RAB15: variants seen among roughly 807,000 people sequenced by gnomAD.
RAB15 encodes RAB15, member RAS oncogene family.
In RAB15, 13 loss-of-function variants were observed where a neutral mutation model predicts 31.8. The observed-to-expected ratio is 0.41, with a 90% confidence interval of 0.27 to 0.65. The LOEUF (loss-of-function observed/expected upper bound fraction) is 0.65, where lower values mean the gene tolerates loss of function less well. RAB15 is among the 30% of genes least tolerant of loss of function. RAB15 has a pLI of 0.32. For synonymous variants in RAB15, 100 were observed against 105.6 expected (o/e 0.95, Z 0.33); for missense variants, 220 against 277.3 (o/e 0.79, Z 1.47).
In RAB15 at chr14:64,948,457, C is replaced by T. The variant is rs1886039580; in HGVS notation, c.536G>A (p.Gly179Asp). The T allele has an allele frequency of 6.2e-7, 1 of 1,613,182 alleles. No homozygotes were observed. Among genetic ancestry groups the T allele is most frequent in the South Asian group, 1.1e-5 (1 of 90,958 alleles). ...VLQAHRKELE[G>D]LRMRASNELA... is the part of the protein sequence containing the mutation. ...CTCATTGCTGGCACGCATCCGGAGG[C>T]CTTCCAGCTCCTTCCTATGGGCCTG... Residue 179 changes from glycine to aspartate, a missense_variant, in exon 7 of 7, where the codon GGC (glycine) becomes GAC (aspartate). Gly to Asp is a moderately conservative substitution (Grantham distance 94). Transcript: ENST00000533601. The surrounding 1 kb of genome is among the most constrained non-coding windows in gnomAD (Gnocchi z 7.0).
intron 1 of RAB15, among the ~76,000 whole-genome samples, chr14:64,966,940 C>G (rs529441191): frequency 2.6e-5 from 4 of 152,150 alleles, no homozygotes; most frequent in African/African-American, 9.7e-5. Flanking sequence ...GTCTAGAAAC[C>G]TGCAAACCCC....
chr14:64,951,724 A>G lies in RAB15; in HGVS notation c.186-61T>C. 1 of 1,421,210 alleles carries G rather than the reference A, an allele frequency of 7.0e-7. No individual in the cohort carries two copies. The highest frequency in any genetic ancestry group is 1.0e-6 in the Non-Finnish European group (1 of 1,003,798). 88.0% of individuals were successfully genotyped at this position (1,421,210 alleles called of 1,614,324 possible). A position where few individuals can be genotyped will look rare whatever the true frequency, so the allele number is the denominator to read the frequency against. ...ACCATGGGAACAGACGGGGAGGGGAAGAGCAGAGCTGTCCCCTTGTAGGAA... is the reference window on the plus strand; with the variant it reads ...ACCATGGGAACAGACGGGGAGGGGAGGAGCAGAGCTGTCCCCTTGTAGGAA... On this transcript the variant is annotated intron_variant, in intron 2 of 6. Coordinates refer to ENST00000533601, the MANE Select transcript of RAB15 (RefSeq NM_001308154.2). This position sits in a 1 kb window ranked among gnomAD's most constrained non-coding sequence, Gnocchi z 7.2.
At position 64,968,543 on chromosome 14, in the gene RAB15, C is replaced by T. The variant is rs1022373568; in HGVS notation, c.124+3410G>A. On this transcript the variant is annotated intron_variant, in intron 1 of 6. Transcript: ENST00000533601. The surrounding 1 kb of genome is among the most constrained non-coding windows in gnomAD (Gnocchi z 4.9). ...ACTGTGAGACCTTCATTAAGAGTAACTGCAATGATCATAATCCATCCTTTA... is the reference window on the plus strand; with the variant it reads ...ACTGTGAGACCTTCATTAAGAGTAATTGCAATGATCATAATCCATCCTTTA... Among the ~76,000 whole-genome samples, 1 of 152,212 alleles carries T rather than the reference C, an allele frequency of 6.6e-6. No individual in the cohort carries two copies. Among genetic ancestry groups the T allele is most frequent in the Non-Finnish European group, 1.5e-5 (1 of 68,048 alleles).
chr14:64,954,526 AG>A lies in RAB15; in HGVS notation c.125-1956del. On this transcript the variant is annotated intron_variant, in intron 1 of 6. Transcript: ENST00000533601. This position sits in a 1 kb window ranked among gnomAD's most constrained non-coding sequence, Gnocchi z 4.3. ...ATCACAAGGGGGACAGGAAGAGAGAAGGTTTTATTTCCTTTATCCCACAAAC... is the reference window on the plus strand; with the variant it reads ...ATCACAAGGGGGACAGGAAGAGAGAAGTTTTATTTCCTTTATCCCACAAAC... The A allele has an allele frequency of 1.0e-6, 1 of 985,424 alleles. No individual in the cohort carries two copies. Among genetic ancestry groups the A allele is most frequent in the Non-Finnish European group, 1.2e-6 (1 of 829,908 alleles). 61.0% of individuals were successfully genotyped at this position (985,424 alleles called of 1,614,324 possible). A position where few individuals can be genotyped will look rare whatever the true frequency, so the allele number is the denominator to read the frequency against.
chr14:64,956,935 A>T (rs999378772), intron 1 of RAB15, among the ~76,000 whole-genome samples: 4 of 143,484 alleles, frequency 2.8e-5, no homozygotes, highest in Non-Finnish European at 4.6e-5. Context: ...CCTAGCTTCA[A>T]TTTTTTTTTT....
chr14:64,968,215 T>C lies in RAB15; in HGVS notation c.124+3738A>G, dbSNP rs1245390240. Among the ~76,000 whole-genome samples, 2 of 152,178 alleles carry C rather than the reference T, an allele frequency of 1.3e-5. No individual in the cohort carries two copies. Among genetic ancestry groups the C allele is most frequent in the Non-Finnish European group, 2.9e-5 (2 of 68,024 alleles). On this transcript the variant is annotated intron_variant, in intron 1 of 6. Transcript: ENST00000533601. The surrounding 1 kb of genome is among the most constrained non-coding windows in gnomAD (Gnocchi z 4.9). ...GAGAAACAGAAGAATCTTCTCACTT[T>C]CCTGAAGAATCCCTTCTGTTGCATC...
chr14:64,961,633 C>T (rs1886863886), intron 1 of RAB15, among the ~76,000 whole-genome samples: 1 of 152,138 alleles, frequency 6.6e-6, no homozygotes, highest in African/African-American at 2.4e-5. Context: ...CAAGCCCAGG[C>T]ATGGTGGCTC....
At chr14:64,956,043 G>A (rs1272761259) in intron 1 of RAB15, among the ~76,000 whole-genome samples, 6 of 152,200 alleles carry the variant, frequency 3.9e-5, no homozygotes, top group African/African-American at 7.2e-5. Flanking sequence ...TATCGCCTGA[G>A]TAACAAGCTG....
At chr14:64,949,004 A>T (rs888257478) in intron 5 of RAB15, among the ~76,000 whole-genome samples, 2 of 152,228 alleles carry the variant, frequency 1.3e-5, no homozygotes, top group Non-Finnish European at 1.5e-5. Context: ...GACACCATCC[A>T]TTGTGGCAGT....
intron 5 of RAB15, among the ~76,000 whole-genome samples, chr14:64,949,173 C>G (rs572539901): frequency 6.6e-6 from 1 of 152,198 alleles, no homozygotes; most frequent in African/African-American, 2.4e-5. Context: ...GTGTGTCTCC[C>G]ATCCATGGTT....
chr14:64,957,859 C>G (rs1323893614), intron 1 of RAB15: 1 of 152,202 alleles, frequency 6.6e-6, no homozygotes, highest in Non-Finnish European at 1.5e-5. Context: ...GATGCCTTTT[C>G]CCACACACCC....
At position 64,951,808 on chromosome 14, in the gene RAB15, A is replaced by G; in HGVS notation, c.186-145T>C. ...TGCTTGGATCCCCACAGGGATCTGC[A>G]GTCAGAGGCCTGGTCATCTGTGCTG... On this transcript the variant is annotated intron_variant, in intron 2 of 6. Coordinates refer to ENST00000533601, the MANE Select transcript of RAB15 (RefSeq NM_001308154.2). This position sits in a 1 kb window ranked among gnomAD's most constrained non-coding sequence, Gnocchi z 7.2. 1 of 717,874 alleles carries G rather than the reference A, an allele frequency of 1.4e-6. No individual in the cohort carries two copies. The highest frequency in any genetic ancestry group is 2.5e-6 in the Non-Finnish European group (1 of 406,280). The allele number at this position is 717,874 out of a possible 1,614,324, so 44.5% of individuals were successfully genotyped here.
At position 64,955,641 on chromosome 14, in the gene RAB15, T is replaced by C. The variant is rs1409291464; in HGVS notation, c.125-3070A>G. Among the ~76,000 whole-genome samples the C allele has an allele frequency of 6.6e-6, 1 of 152,198 alleles. No homozygotes were observed. The highest frequency in any genetic ancestry group is 1.5e-5 in the Non-Finnish European group (1 of 68,046). The stretch of plus-strand genomic sequence containing the variant: ...CCTGTGCTCTCAGCAGGATACCTTC[T>C]CCACTGTTTTATGGCCCAGATGAAT... On this transcript the variant is annotated intron_variant, in intron 1 of 6. Coordinates refer to ENST00000533601, the MANE Select transcript of RAB15 (RefSeq NM_001308154.2). The surrounding 1 kb of genome is among the most constrained non-coding windows in gnomAD (Gnocchi z 4.4).
At position 64,968,298 on chromosome 14, in the gene RAB15, A is replaced by G. The variant is rs1013153577; in HGVS notation, c.124+3655T>C. ...AATCCCACCTCTGTTATCTCTGCTC[A>G]TGTTACTCCATCTGCTCCCTTCTGC... On this transcript the variant is annotated intron_variant, in intron 1 of 6. Coordinates refer to ENST00000533601, the MANE Select transcript of RAB15 (RefSeq NM_001308154.2). This position sits in a 1 kb window ranked among gnomAD's most constrained non-coding sequence, Gnocchi z 4.9. Among the ~76,000 whole-genome samples, 3 of 152,130 alleles carry G rather than the reference A, an allele frequency of 2.0e-5. No homozygotes were observed. The highest frequency in any genetic ancestry group is 2.9e-5 in the Non-Finnish European group (2 of 68,028).
rs1433430677 is a variant in RAB15 at position 64,968,477 on chromosome 14, C to T, written c.124+3476G>A. ...CCATCCATCGCCATTCTCCGGCTGC[C>T]TCATGGTACATCTTGCATCATAATT... On this transcript the variant is annotated intron_variant, in intron 1 of 6. Transcript: ENST00000533601. This position sits in a 1 kb window ranked among gnomAD's most constrained non-coding sequence, Gnocchi z 4.9. Among the ~76,000 whole-genome samples the T allele has an allele frequency of 6.6e-6, 1 of 152,188 alleles. No individual in the cohort carries two copies. Among genetic ancestry groups the T allele is most frequent in the Admixed American group, 6.5e-5 (1 of 15,272 alleles).
At position 64,952,197 on chromosome 14, in the gene RAB15, C is replaced by T. The variant is rs1411203012; in HGVS notation, c.185+314G>A. ...AAATGATGGGGGGTGTAGCCTCCTT[C>T]CTTCCAATCTTAACATAGTGTGGCA... On this transcript the variant is annotated intron_variant, in intron 2 of 6. Coordinates refer to ENST00000533601, the MANE Select transcript of RAB15 (RefSeq NM_001308154.2). This position sits in a 1 kb window ranked among gnomAD's most constrained non-coding sequence, Gnocchi z 4.2. Among the ~76,000 whole-genome samples, 1 of 152,194 alleles carries T rather than the reference C, an allele frequency of 6.6e-6. No individual in the cohort carries two copies. Among genetic ancestry groups the T allele is most frequent in the Admixed American group, 6.5e-5 (1 of 15,282 alleles).
rs1185070464 is a variant in RAB15 at position 64,955,919 on chromosome 14, G to A, written c.125-3348C>T. On this transcript the variant is annotated intron_variant, in intron 1 of 6. Coordinates refer to ENST00000533601, the MANE Select transcript of RAB15 (RefSeq NM_001308154.2). The surrounding 1 kb of genome is among the most constrained non-coding windows in gnomAD (Gnocchi z 4.4). ...GGTCATATTTCTCAAACTTCCAGGT[G>A]CATGAGAATCACGCGGGGATTGAGT... 6.6e-6 allele frequency among the ~76,000 whole-genome samples: 1 copy of A among 152,206 alleles called. No homozygotes were observed. The highest frequency in any genetic ancestry group is 1.5e-5 in the Non-Finnish European group (1 of 68,044).
intron 1 of RAB15, among the ~76,000 whole-genome samples, chr14:64,961,914 T>TA (rs528884423): frequency 0.34 from 44,922 of 131,390 alleles, 7,342 homozygotes; most frequent in East Asian, 0.63. Context: ...GACTCTGTCT[T>TA]AAAAAAAAAA....
Position 64,953,664 on chromosome 14 carries a change from CTGAG to C in RAB15, c.125-1097_125-1094del, listed in dbSNP as rs746513140. ...ACCACCAGCAGCAGCCAGCTTGACT[CTGAG>C]TGACAACAGAGAGATGAGGGAGGTT... On this transcript the variant is annotated intron_variant, in intron 1 of 6. Transcript: ENST00000533601. This position sits in a 1 kb window ranked among gnomAD's most constrained non-coding sequence, Gnocchi z 4.6. 3 of 373,580 alleles carry C rather than the reference CTGAG, an allele frequency of 8.0e-6. No individual in the cohort carries two copies. The highest frequency in any genetic ancestry group is 6.4e-5 in the Admixed American group (1 of 15,544). The allele number at this position is 373,580 out of a possible 1,614,324, so 23.1% of individuals were successfully genotyped here.
Sources: gnomAD v4.1 joint callset for allele counts (sites outside exome capture counted in the v4.1 genomes callset) on GRCh38, gnomAD v4.1.1 for gene constraint, Gnocchi (gnomAD v3.1) non-coding constraint, MANE v1.5 for transcripts, NCBI Gene and HGNC (gene_info 2026-07-23, HGNC 2026-07-21) for gene names.